BCL2: variants seen among roughly 807,000 people sequenced by gnomAD.
BCL2 encodes BCL2 apoptosis regulator.
BCL2 carries 1 observed loss-of-function variant against 14.2 expected under a neutral mutation model. That is an observed-to-expected ratio of 0.07 (90% CI 0.02 to 0.33). The LOEUF (loss-of-function observed/expected upper bound fraction) is 0.33, where lower values mean the gene tolerates loss of function less well. BCL2 is among the 10% of genes least tolerant of loss of function. The pLI, the probability that BCL2 is intolerant of heterozygous loss-of-function variation, is 0.99. For synonymous variants in BCL2, 151 were observed against 137.2 expected, an observed-to-expected ratio of 1.10 and a Z score of -0.70; for missense variants, 247 against 305.9, an observed-to-expected ratio of 0.81 and a Z score of 1.44.
intron 2 of BCL2, among the ~76,000 whole-genome samples, chr18:63,198,247 G>GAC (rs1309119197): frequency 7.3e-6 from 1 of 136,306 alleles, no homozygotes; most frequent in Non-Finnish European, 1.6e-5. Context: ...CTGACATAGA[G>GAC]ACACACACAC....
intron 2 of BCL2, among the ~76,000 whole-genome samples, chr18:63,237,732 C>T (rs1910880478): frequency 1.3e-5 from 2 of 152,166 alleles, no homozygotes. Flanking sequence ...GCATCTGATA[C>T]CCAGACAAAA....
chr18:63,166,729 G>A (rs142007703), intron 2 of BCL2, among the ~76,000 whole-genome samples: 2 of 152,342 alleles, frequency 1.3e-5, no homozygotes, highest in African/African-American at 4.8e-5. Context: ...GACGGGATAT[G>A]AGGTATCACA....
intron 2 of BCL2, chr18:63,302,353 G>C (rs1460108454): frequency 1.0e-6 from 1 of 984,660 alleles, no homozygotes; most frequent in Non-Finnish European, 1.2e-6. Flanking sequence ...GAAATAGTTG[G>C]TGGCTTGTTC....
chr18:63,127,194 T>C lies in BCL2; in HGVS notation c.*1431A>G, dbSNP rs1321638325. On this transcript the variant is annotated 3_prime_UTR_variant, in exon 3 of 3. Coordinates refer to ENST00000333681, the MANE Select transcript of BCL2 (RefSeq NM_000633.3). ...GTCAATTAATCCATGACACCTCACT[T>C]CAATGCTTCTTTTAGGATTTGTGAC... 2 of 230,118 alleles carry C rather than the reference T, an allele frequency of 8.7e-6. No individual in the cohort carries two copies. Among genetic ancestry groups the C allele is most frequent in the African/African-American group, 2.2e-5 (1 of 45,124 alleles). 14.3% of individuals were successfully genotyped at this position (230,118 alleles called of 1,614,324 possible). A position where few individuals can be genotyped will look rare whatever the true frequency, so the allele number is the denominator to read the frequency against.
chr18:63,285,924 C>T (rs4987725), intron 2 of BCL2, among the ~76,000 whole-genome samples: 3,873 of 152,326 alleles, frequency 0.025, 56 homozygotes, highest in Admixed American at 0.039. Context: ...GGTATAGCAA[C>T]GTCCAGTTTC....
At chr18:63,171,795 C>T (rs563004797) in intron 2 of BCL2, among the ~76,000 whole-genome samples, 7 of 152,142 alleles carry the variant, frequency 4.6e-5, no homozygotes, top group Non-Finnish European at 1.0e-4. Context: ...GGTGACAGAG[C>T]AAGACCTTGT....
At chr18:63,172,552 C>T (rs185554740) in intron 2 of BCL2, among the ~76,000 whole-genome samples, 1 of 152,136 alleles carries the variant, frequency 6.6e-6, no homozygotes, top group African/African-American at 2.4e-5. Context: ...GAGGCCGAGG[C>T]GGGTGGATCA....
intron 2 of BCL2, among the ~76,000 whole-genome samples, chr18:63,211,956 T>C (rs1456515797): frequency 6.6e-6 from 1 of 152,244 alleles, no homozygotes; most frequent in Non-Finnish European, 1.5e-5. Flanking sequence ...TCCTTTCTTC[T>C]CTGAGGGAGG....
chr18:63,227,816 G>T (rs1910588921), intron 2 of BCL2, among the ~76,000 whole-genome samples: 2 of 152,156 alleles, frequency 1.3e-5, no homozygotes, highest in African/African-American at 2.4e-5. Flanking sequence ...AAAACACAAG[G>T]ATTAACATAA....
chr18:63,200,193 G>A (rs1038094614), intron 2 of BCL2, among the ~76,000 whole-genome samples: 1 of 152,104 alleles, frequency 6.6e-6, no homozygotes, highest in African/African-American at 2.4e-5. Flanking sequence ...TACCACTACC[G>A]GTATTCTTAG....
At chr18:63,226,258 G>A (rs1268012093) in intron 2 of BCL2, among the ~76,000 whole-genome samples, 1 of 152,108 alleles carries the variant, frequency 6.6e-6, no homozygotes, top group African/African-American at 2.4e-5. Context: ...ATTTTTTATG[G>A]GCTCAGGATG....
chr18:63,209,568 C>T (rs989274613), intron 2 of BCL2, among the ~76,000 whole-genome samples: 3 of 151,948 alleles, frequency 2.0e-5, no homozygotes, highest in African/African-American at 4.8e-5. Context: ...CTGTTAGTGG[C>T]GGAGGGAGAG....
chr18:63,180,821 G>C (rs1184537300), intron 2 of BCL2, among the ~76,000 whole-genome samples: 21 of 152,116 alleles, frequency 1.4e-4, no homozygotes. Context: ...CTGCTCCTAT[G>C]GGCAGACACA....
chr18:63,129,479 A>G (rs981331307), intron 2 of BCL2, among the ~76,000 whole-genome samples: 1 of 152,056 alleles, frequency 6.6e-6, no homozygotes, highest in African/African-American at 2.4e-5. Flanking sequence ...GGGTCTTACT[A>G]TACTTTCCAG....
At chr18:63,178,387 C>T (rs4987799) in intron 2 of BCL2, among the ~76,000 whole-genome samples, 1 of 152,138 alleles carries the variant, frequency 6.6e-6, no homozygotes, top group Non-Finnish European at 1.5e-5. Flanking sequence ...GCTGTGTAAT[C>T]GAGCCTCCCA....
intron 2 of BCL2, among the ~76,000 whole-genome samples, chr18:63,216,905 C>A (rs1295860641): frequency 6.6e-6 from 1 of 152,186 alleles, no homozygotes; most frequent in South Asian, 2.1e-4. Context: ...GGTTTTCCTT[C>A]TTCTAACAGT....
chr18:63,123,400 G>C lies in BCL2; in HGVS notation c.*5225C>G, dbSNP rs1053793968. The C allele has an allele frequency of 1.0e-5, 2 of 194,812 alleles. No individual in the cohort carries two copies. The highest frequency in any genetic ancestry group is 1.2e-4 in the Admixed American group (2 of 16,404). The allele number at this position is 194,812 out of a possible 1,614,324, so 12.1% of individuals were successfully genotyped here. Reference sequence around the variant, plus strand: ...TCACAATATTAACTAGACAGACAAGGAAAGTTTAATGGCAATGTGACTTTT... The same window carrying C: ...TCACAATATTAACTAGACAGACAAGCAAAGTTTAATGGCAATGTGACTTTT... On this transcript the variant is annotated 3_prime_UTR_variant, in exon 3 of 3. Transcript: ENST00000333681.
chr18:63,226,099 TC>T (rs1910535653), intron 2 of BCL2, among the ~76,000 whole-genome samples: 1 of 152,118 alleles, frequency 6.6e-6, no homozygotes, highest in Non-Finnish European at 1.5e-5. Context: ...AAGGTAATCT[TC>T]CCCTGAAGTC....
At chr18:63,254,859 G>A (rs992737026) in intron 2 of BCL2, among the ~76,000 whole-genome samples, 11 of 152,224 alleles carry the variant, frequency 7.2e-5, no homozygotes, top group Admixed American at 5.9e-4. Context: ...AGTGCACTCT[G>A]TTCAATGAGG....
Sources: allele counts gnomAD v4.1 joint callset (sites outside exome capture counted in the v4.1 genomes callset), GRCh38; gene constraint gnomAD v4.1.1; transcripts MANE v1.5; gene names NCBI Gene and HGNC (gene_info 2026-07-23, HGNC 2026-07-21).